Variants in GRID2 observed in about 807,000 individuals in gnomAD.
GRID2 encodes the protein glutamate ionotropic receptor delta type subunit 2, also known as glutamate receptor ionotropic, delta-2.
Under a neutral mutation model 114.8 loss-of-function variants are expected in GRID2, and 33 were observed. The observed-to-expected ratio is 0.29, with a 90% confidence interval of 0.22 to 0.38. GRID2 has a LOEUF of 0.38. GRID2 is among the 10% of genes least tolerant of loss of function. The pLI is 1.00. For missense variants in GRID2, 1,184 were observed against 1,257.7 expected (o/e 0.94, Z 0.89); for synonymous variants, 505 against 449.9 (o/e 1.12, Z -1.55).
At chr4:92,679,158 T>G (rs1733525676) in intron 2 of GRID2, among the ~76,000 whole-genome samples, 1 of 152,218 alleles carries the variant, frequency 6.6e-6, no homozygotes, top group South Asian at 2.1e-4. Context: ...TTCATAAGTC[T>G]TTGGTCAAGC....
intron 2 of GRID2, among the ~76,000 whole-genome samples, chr4:92,685,416 G>A (rs1394344270): frequency 1.3e-5 from 2 of 152,060 alleles, no homozygotes; most frequent in African/African-American, 4.8e-5. Flanking sequence ...AGGGAAGGAT[G>A]AAGTGACATT....
In GRID2 at chr4:93,677,539, G is replaced by T. The variant is rs188910326; in HGVS notation, c.2360+51104G>T. Among the ~76,000 whole-genome samples, 700 of 152,252 alleles carry T rather than the reference G, an allele frequency of 4.6e-3. 6 individuals are homozygous for T. The highest frequency in any genetic ancestry group is 0.015 in the African/African-American group (612 of 41,562). ...AACTGGGAGGCACCCCCCAGTAGGG[G>T]CAGACTGACACCTCGCACGGCCGGG... On this transcript the variant is annotated intron_variant, in intron 14 of 15. Coordinates refer to ENST00000282020, the MANE Select transcript of GRID2 (RefSeq NM_001510.4).
chr4:92,729,938 CCTCTTA>C (rs1434529474), intron 2 of GRID2, among the ~76,000 whole-genome samples: 1 of 151,848 alleles, frequency 6.6e-6, no homozygotes, highest in Admixed American at 6.6e-5. Context: ...AAAGAGAAAG[CCTCTTA>C]CTCTTAAGAG....
At chr4:92,644,202 T>A (rs1731502884) in intron 2 of GRID2, among the ~76,000 whole-genome samples, 1 of 151,808 alleles carries the variant, frequency 6.6e-6, no homozygotes, top group African/African-American at 2.4e-5. Flanking sequence ...CTATAAGTAT[T>A]GTAGCCATGA....
chr4:92,542,913 T>C (rs911935585), intron 1 of GRID2, among the ~76,000 whole-genome samples: 5 of 152,180 alleles, frequency 3.3e-5, no homozygotes, highest in Non-Finnish European at 5.9e-5. Context: ...AATTCTTGCA[T>C]ATCTAATGAG....
At chr4:93,604,292 A>G (rs1739983598) in intron 13 of GRID2, among the ~76,000 whole-genome samples, 1 of 152,222 alleles carries the variant, frequency 6.6e-6, no homozygotes, top group African/African-American at 2.4e-5. Context: ...GGAAGTAACT[A>G]CAAATGTGAT....
At chr4:93,489,046 T>A (rs1423872854) in intron 11 of GRID2, among the ~76,000 whole-genome samples, 1 of 151,992 alleles carries the variant, frequency 6.6e-6, no homozygotes, top group Non-Finnish European at 1.5e-5. Flanking sequence ...ATTACCCACT[T>A]AATATGGGAC....
chr4:92,563,348 T>C (rs1412122502), intron 1 of GRID2, among the ~76,000 whole-genome samples: 1 of 152,118 alleles, frequency 6.6e-6, no homozygotes, highest in African/African-American at 2.4e-5. Flanking sequence ...GCTAGTAGGC[T>C]TATTAACTTT....
At chr4:93,199,718 A>T (rs1292428885) in intron 4 of GRID2, among the ~76,000 whole-genome samples, 2 of 152,294 alleles carry the variant, frequency 1.3e-5, no homozygotes, top group Admixed American at 6.5e-5. Flanking sequence ...TGCAAACAAG[A>T]CAGTCCTTTC....
intron 1 of GRID2, among the ~76,000 whole-genome samples, chr4:92,314,708 G>A (rs1055522559): frequency 3.3e-5 from 5 of 152,054 alleles, no homozygotes; most frequent in Admixed American, 3.3e-4. Flanking sequence ...TATATATGAA[G>A]CATAAATGAA....
At chr4:93,010,647 C>T (rs1560792485) in intron 2 of GRID2, among the ~76,000 whole-genome samples, 6 of 152,178 alleles carry the variant, frequency 3.9e-5, no homozygotes, top group Admixed American at 2.6e-4. Flanking sequence ...AGATTTCTCA[C>T]AACAACCTAA....
At chr4:92,871,895 C>T (rs964206812) in intron 2 of GRID2, among the ~76,000 whole-genome samples, 1 of 151,968 alleles carries the variant, frequency 6.6e-6, no homozygotes, top group African/African-American at 2.4e-5. Flanking sequence ...GCTCTTTTTC[C>T]TGTGAGTTTC....
chr4:93,435,907 A>C (rs1041081436), intron 10 of GRID2, among the ~76,000 whole-genome samples: 1 of 152,146 alleles, frequency 6.6e-6, no homozygotes, highest in East Asian at 1.9e-4. Flanking sequence ...GCCAGTCTGC[A>C]TATAGATGAA....
chr4:93,623,205 G>C (rs974463454), intron 13 of GRID2, among the ~76,000 whole-genome samples: 1 of 151,926 alleles, frequency 6.6e-6, no homozygotes, highest in African/African-American at 2.4e-5. Flanking sequence ...TGCAGAACCT[G>C]TGCAGGTTTG....
At chr4:92,694,775 C>G (rs754359003) in intron 2 of GRID2, among the ~76,000 whole-genome samples, 4 of 152,128 alleles carry the variant, frequency 2.6e-5, no homozygotes, top group Non-Finnish European at 4.4e-5. Context: ...TAATTGGCTA[C>G]TTTCTTAATT....
chr4:93,544,791 A>G (rs1311730692), intron 13 of GRID2, among the ~76,000 whole-genome samples: 2 of 148,618 alleles, frequency 1.3e-5, no homozygotes, highest in African/African-American at 5.0e-5. Flanking sequence ...AAAAAAAAAA[A>G]GAAAAAAAGA....
At chr4:92,614,680 A>G (rs574927792) in intron 2 of GRID2, among the ~76,000 whole-genome samples, 1 of 151,614 alleles carries the variant, frequency 6.6e-6, no homozygotes, top group Non-Finnish European at 1.5e-5. Flanking sequence ...TGTATTTGCT[A>G]TTATTGGGTA....
At chr4:92,709,635 T>G (rs1404172039) in intron 2 of GRID2, among the ~76,000 whole-genome samples, 2 of 149,820 alleles carry the variant, frequency 1.3e-5, no homozygotes, top group African/African-American at 4.9e-5. Context: ...TCCATATATT[T>G]GCTTCTGAAT....
intron 2 of GRID2, among the ~76,000 whole-genome samples, chr4:92,650,989 A>G (rs911789895): frequency 2.6e-5 from 4 of 152,056 alleles, no homozygotes; most frequent in Non-Finnish European, 4.4e-5. Flanking sequence ...GATGGGAAAC[A>G]TAGTTGTACC....
Sources: allele counts gnomAD v4.1 joint callset (sites outside exome capture counted in the v4.1 genomes callset), GRCh38; gene constraint gnomAD v4.1.1; transcripts MANE v1.5; gene names NCBI Gene and HGNC (gene_info 2026-07-23, HGNC 2026-07-21).